The following S100A7 variants were observed in gnomAD, a reference collection of about 807,000 sequenced individuals.
S100A7 encodes the protein S100 calcium binding protein A7, also known as protein S100-A7.
S100A7 carries 2 observed loss-of-function variants against 3.8 expected under a neutral mutation model. The observed-to-expected ratio is 0.53, with a 90% confidence interval of 0.22 to 1.67. S100A7 has a LOEUF of 1.67. Ranked by LOEUF, S100A7 falls within the 40% of genes most tolerant of loss-of-function variation. The probability of loss-of-function intolerance (pLI) is 0.20; values close to 1 mark genes in which losing one functional copy is unlikely to be tolerated. For synonymous variants in S100A7, 55 were observed against 45.9 expected (o/e 1.20, Z -0.80); for missense variants, 130 against 126.3 (o/e 1.03, Z -0.14).
At chr1:153,458,814 G>C in intron 2 of S100A7, 59 bp downstream of exon 2, 4 of 1,597,830 alleles carry the variant, frequency 2.5e-6, no homozygotes, top group Non-Finnish European at 3.4e-6. Context: ...AGGGTGATCT[G>C]TCCAAGGCCA....
chr1:153,458,024 G>C (rs571374972), intron 2 of S100A7, 54 bp from the exon 3 acceptor site: 3 of 1,592,064 alleles, frequency 1.9e-6, no homozygotes, highest in Non-Finnish European at 2.6e-6. Context: ...ACAAGTTTTG[G>C]GCTGGGAGGG....
chr1:153,458,095 G>A (rs1663732165), intron 2 of S100A7, 125 bp from the exon 3 acceptor site: 12 of 1,082,142 alleles, frequency 1.1e-5, no homozygotes, highest in Non-Finnish European at 1.6e-5. Flanking sequence ...TGGCGGGGCT[G>A]AGAGCACAGG....
At chr1:153,460,203 G>C (rs1185932841) in intron 1 of S100A7, among the ~76,000 whole-genome samples, 2 of 152,186 alleles carry the variant, frequency 1.3e-5, no homozygotes, top group Non-Finnish European at 2.9e-5. Flanking sequence ...CCAGGCCTGG[G>C]GGTTTGGAGA....
At chr1:153,459,084 A>G (rs545121889) in intron 1 of S100A7, 54 bp from the exon 2 acceptor site, 33 of 1,584,012 alleles carry the variant, frequency 2.1e-5, no homozygotes, top group Admixed American at 3.5e-5. Context: ...TAGGGTCTCT[A>G]TTTGGGAGTG....
rs1328446398 is a variant in S100A7 at position 153,460,590 on chromosome 1, G to C, written c.-18+18C>G. ...ACTGGGCACTTCTAGAAAACGCAAAGAGGCAGGTGAGACTTACCAGAGCTG... is the reference window on the plus strand; with the variant it reads ...ACTGGGCACTTCTAGAAAACGCAAACAGGCAGGTGAGACTTACCAGAGCTG... On this transcript the variant is annotated intron_variant, in intron 1 of 2. Coordinates refer to ENST00000368723, the MANE Select transcript of S100A7 (RefSeq NM_002963.4). The C allele has an allele frequency of 5.2e-5, 50 of 963,358 alleles. No individual in the cohort carries two copies. Among genetic ancestry groups the C allele is most frequent in the Middle Eastern group, 5.7e-4 (2 of 3,506 alleles). The allele number at this position is 963,358 out of a possible 1,614,324, so 59.7% of individuals were successfully genotyped here. A position where few individuals can be genotyped will look rare whatever the true frequency, so the allele number is the denominator to read the frequency against.
rs200788492 is a variant in S100A7, at chr1:153,459,004, T to G, written c.10A>C (p.Thr4Pro). ...CCTATTATGGACCTCTCAGCTTGAG[T>G]GTTGCTCATCTTTGCTTTCAAAAAG... is the stretch of plus-strand genomic sequence containing the variant. Reference protein sequence around the residue: MSNTQAERSIIGMI... With the variant: MSNPQAERSIIGMI... The change falls in exon 2 of 3, where the codon ACT becomes CCT. Residue 4 changes from threonine to proline, a missense_variant. By Grantham distance (38) the Thr-to-Pro change is conservative. Coordinates refer to ENST00000368723, the MANE Select transcript of S100A7 (RefSeq NM_002963.4). 3.1e-6 allele frequency: 5 copies of G among 1,612,892 alleles called. No individual in the cohort carries two copies. In the East Asian group the frequency reaches 8.9e-5, roughly 29 times the overall value.
At chr1:153,460,043 A>G (rs1053928399) in intron 1 of S100A7, among the ~76,000 whole-genome samples, 3 of 152,218 alleles carry the variant, frequency 2.0e-5, no homozygotes, top group African/African-American at 4.8e-5. Context: ...GCTTTTTTGA[A>G]TCTGAGGCCA....
In S100A7 at chr1:153,457,902, A is replaced by G; in HGVS notation, c.210T>C (p.Ile70=). 1.2e-6 allele frequency: 2 copies of G among 1,614,148 alleles called. No homozygotes were observed. Among genetic ancestry groups the G allele is most frequent in the Non-Finnish European group, 1.7e-6 (2 of 1,180,032 alleles). Residue 70 remains isoleucine (I), a synonymous_variant, in exon 3 of 3, where the codon ATT becomes ATC. Coordinates refer to ENST00000368723, the MANE Select transcript of S100A7 (RefSeq NM_002963.4). ...EKKDKNEDKK[I]DFSEFLSLLG... ...GCAAGGACAGAAACTCAGAAAAATC[A>G]ATCTTCTTATCCTCATTCTTGTCCT...
chr1:153,459,443 C>T (rs878897605), intron 1 of S100A7, among the ~76,000 whole-genome samples: 1 of 152,202 alleles, frequency 6.6e-6, no homozygotes, highest in Non-Finnish European at 1.5e-5. Flanking sequence ...GTCATGGGGG[C>T]AGGACAATGG....
At chr1:153,458,815 T>C (rs1214131770) in intron 2 of S100A7, 58 bp downstream of exon 2, 1 of 1,599,528 alleles carries the variant, frequency 6.3e-7, no homozygotes, top group Admixed American at 1.7e-5. Context: ...GGGTGATCTG[T>C]CCAAGGCCAC....
Position 153,457,757 on chromosome 1 carries a change from G to C in S100A7, c.*49C>G. 1 of 1,577,762 alleles carries C rather than the reference G, an allele frequency of 6.3e-7. No individual in the cohort carries two copies. The highest frequency in any genetic ancestry group is 1.4e-5 in the African/African-American group (1 of 73,666). ...ATAAGGCAAGTGTCTGGTGGGAGAA[G>C]ACATTTTATTGTTCCTGGGGTCTCT... is the stretch of plus-strand genomic sequence containing the variant. On this transcript the variant is annotated 3_prime_UTR_variant, in exon 3 of 3. Transcript: ENST00000368723.
chr1:153,460,304 G>A (rs1663797306), intron 1 of S100A7, among the ~76,000 whole-genome samples: 1 of 152,234 alleles, frequency 6.6e-6, no homozygotes, highest in South Asian at 2.1e-4. Flanking sequence ...ACCCCAACAG[G>A]AGGATGAATC....
intron 2 of S100A7, among the ~76,000 whole-genome samples, chr1:153,458,660 C>T (rs1417577520): frequency 6.6e-6 from 1 of 152,160 alleles, no homozygotes; most frequent in African/African-American, 2.4e-5. Context: ...AAGCTGCACA[C>T]TTTGCTGACC....
intron 2 of S100A7, among the ~76,000 whole-genome samples, chr1:153,458,407 A>T (rs886940619): frequency 3.3e-5 from 5 of 150,794 alleles, no homozygotes; most frequent in African/African-American, 1.2e-4. Context: ...TGGGTATCCT[A>T]CTCTTGGTCA....
intron 1 of S100A7, among the ~76,000 whole-genome samples, chr1:153,460,208 T>G (rs572512435): frequency 6.6e-6 from 1 of 152,126 alleles, no homozygotes; most frequent in Non-Finnish European, 1.5e-5. Flanking sequence ...CCTGGGGGTT[T>G]GGAGAGCCTC....
chr1:153,457,968 G>C lies in S100A7; in HGVS notation c.144C>G (p.Asp48Glu). 1 of 1,613,174 alleles carries C rather than the reference G, an allele frequency of 6.2e-7. No homozygotes were observed. Among genetic ancestry groups the C allele is most frequent in the Non-Finnish European group, 8.5e-7 (1 of 1,179,544 alleles). ...ENFPNFLSAC[D>E]KKGTNYLADV... is the part of the protein sequence containing the mutation. ...CGGCGAGGTAATTTGTGCCCTTTTT[G>C]TCCTGTGAAGAGAAAAACATACAAA... The change falls in exon 3 of 3, where the codon GAC becomes GAG. Residue 48 changes from aspartate to glutamate, a missense_variant and splice_region_variant. By Grantham distance (45) the Asp-to-Glu change is conservative (BLOSUM62 2). Coordinates refer to ENST00000368723, the MANE Select transcript of S100A7 (RefSeq NM_002963.4).
intron 2 of S100A7, 80 bp downstream of exon 2, chr1:153,458,793 A>G: frequency 6.6e-7 from 1 of 1,515,306 alleles, no homozygotes; most frequent in Non-Finnish European, 8.9e-7. Context: ...AAATTTTTTA[A>G]TCAGAGGGTG....
At chr1:153,460,553 G>A (rs990809862) in intron 1 of S100A7, 55 bp downstream of exon 1, 10 of 733,954 alleles carry the variant, frequency 1.4e-5, no homozygotes, top group Non-Finnish European at 2.5e-5. Flanking sequence ...CAGGCAGCAT[G>A]GCAGGCCAGG....
chr1:153,460,199 C>A (rs1383977254), intron 1 of S100A7, among the ~76,000 whole-genome samples: 1 of 152,198 alleles, frequency 6.6e-6, no homozygotes, highest in Non-Finnish European at 1.5e-5. Context: ...GGTCCCAGGC[C>A]TGGGGGTTTG....
Sources: gnomAD v4.1 joint callset for allele counts (sites outside exome capture counted in the v4.1 genomes callset) on GRCh38, gnomAD v4.1.1 for gene constraint, MANE v1.5 for transcripts, NCBI Gene and HGNC (gene_info 2026-07-23, HGNC 2026-07-21) for gene names.